NAALADL2: variants seen among roughly 807,000 people sequenced by gnomAD.
The protein encoded by NAALADL2 is N-acetylated alpha-linked acidic dipeptidase like 2, also known as inactive N-acetylated-alpha-linked acidic dipeptidase-like protein 2.
In NAALADL2, 76 loss-of-function variants were observed where a neutral mutation model predicts 87.2. That is an observed-to-expected ratio of 0.87 (90% CI 0.72 to 1.05). The LOEUF is 1.05. Ranked by LOEUF, NAALADL2 falls within the 50% of genes least tolerant of loss-of-function variation. The pLI, the probability that NAALADL2 is intolerant of heterozygous loss-of-function variation, is 0.00. For missense variants in NAALADL2, 1,089 were observed against 945.8 expected (o/e 1.15, Z -1.99); for synonymous variants, 354 against 331.0 (o/e 1.07, Z -0.75).
At chr3:174,699,546 G>T (rs1206067732) in intron 2 of NAALADL2, among the ~76,000 whole-genome samples, 2 of 150,520 alleles carry the variant, frequency 1.3e-5, no homozygotes, top group African/African-American at 2.4e-5. Context: ...TTTCTAATTT[G>T]ACCAATTATA....
intron 9 of NAALADL2, among the ~76,000 whole-genome samples, chr3:175,511,962 CT>C (rs1340315687): frequency 4.6e-5 from 7 of 152,154 alleles, no homozygotes; most frequent in Admixed American, 2.6e-4. Flanking sequence ...GGTTCCTAGG[CT>C]GGGCATGGTG....
chr3:174,753,867 C>T (rs942222053), intron 3 of NAALADL2, among the ~76,000 whole-genome samples: 1 of 152,126 alleles, frequency 6.6e-6, no homozygotes, highest in Admixed American at 6.5e-5. Flanking sequence ...GAGGGTGGGG[C>T]CCTCATAATG....
Position 175,533,198 on chromosome 3 carries a change from C to T in NAALADL2, c.1654-42843C>T, listed in dbSNP as rs115516390. On this transcript the variant is annotated intron_variant, in intron 9 of 13. Transcript: ENST00000454872. ...ACTCTATGTTCCTTCCACCATTATC[C>T]CATGCCCTTAATATACATTCCCATG... 6.1e-3 allele frequency among the ~76,000 whole-genome samples: 935 copies of T among 152,286 alleles called. 5 individuals are homozygous for T. The highest frequency in any genetic ancestry group is 0.021 in the African/African-American group (865 of 41,550).
intron 2 of NAALADL2, among the ~76,000 whole-genome samples, chr3:175,103,992 A>G (rs1722678909): frequency 6.6e-6 from 1 of 152,206 alleles, no homozygotes; most frequent in Non-Finnish European, 1.5e-5. Context: ...GATATAAGAA[A>G]ATAAGCACCT....
At chr3:174,531,488 G>A (rs896310793) in intron 1 of NAALADL2, among the ~76,000 whole-genome samples, 3 of 152,070 alleles carry the variant, frequency 2.0e-5, no homozygotes, top group Non-Finnish European at 4.4e-5. Flanking sequence ...AACTAAATTT[G>A]AATAAACATT....
intron 2 of NAALADL2, among the ~76,000 whole-genome samples, chr3:174,702,772 A>C (rs981035683): frequency 1.3e-4 from 20 of 152,190 alleles, no homozygotes; most frequent in African/African-American, 4.3e-4. Context: ...ATCTTATGAG[A>C]CCACTCTTGT....
intron 11 of NAALADL2, among the ~76,000 whole-genome samples, chr3:175,669,795 T>A: frequency 6.6e-6 from 1 of 151,954 alleles, no homozygotes; most frequent in Admixed American, 6.6e-5. Context: ...AAATAGTGTA[T>A]TTCACTATTA....
intron 11 of NAALADL2, among the ~76,000 whole-genome samples, chr3:175,685,573 T>C (rs1736167847): frequency 6.6e-6 from 1 of 151,796 alleles, no homozygotes; most frequent in African/African-American, 2.4e-5. Flanking sequence ...CTCACATGAC[T>C]GTGGAGCCAA....
chr3:174,469,909 A>G (rs1329345193), intron 1 of NAALADL2, among the ~76,000 whole-genome samples: 1 of 151,716 alleles, frequency 6.6e-6, no homozygotes, highest in Non-Finnish European at 1.5e-5. Flanking sequence ...ATGAACCACT[A>G]TTTTTTTTAC....
chr3:175,460,074 G>C (rs1226606212), intron 6 of NAALADL2: 1 of 443,212 alleles, frequency 2.3e-6, no homozygotes, highest in Non-Finnish European at 4.5e-6. Context: ...AATTATTCTT[G>C]TAGGATAAAT....
At chr3:175,415,273 G>C (rs1211605181) in intron 5 of NAALADL2, among the ~76,000 whole-genome samples, 2 of 152,060 alleles carry the variant, frequency 1.3e-5, no homozygotes, top group Non-Finnish European at 2.9e-5. Context: ...TGGATGAATG[G>C]ATGATGAGCT....
intron 5 of NAALADL2, among the ~76,000 whole-genome samples, chr3:175,343,499 G>T (rs1409285165): frequency 6.6e-6 from 1 of 151,886 alleles, no homozygotes; most frequent in Non-Finnish European, 1.5e-5. Context: ...ACCAAGAAAA[G>T]ATTAAATTAT....
chr3:174,898,355 G>C (rs1458416057), intron 1 of NAALADL2, among the ~76,000 whole-genome samples: 1 of 151,034 alleles, frequency 6.6e-6, no homozygotes, highest in African/African-American at 2.4e-5. Context: ...TAGGAGGAGG[G>C]TAGATAGATA....
At chr3:175,504,518 A>T (rs1227390123) in intron 9 of NAALADL2, among the ~76,000 whole-genome samples, 1 of 151,376 alleles carries the variant, frequency 6.6e-6, no homozygotes, top group Non-Finnish European at 1.5e-5. Flanking sequence ...TTGTGGCTTT[A>T]CGAGAAAAGA....
intron 2 of NAALADL2, among the ~76,000 whole-genome samples, chr3:174,679,326 T>G (rs2108821517): frequency 6.6e-6 from 1 of 152,294 alleles, no homozygotes; most frequent in South Asian, 2.1e-4. Context: ...GTATGGAAAC[T>G]TAGAGAGTTT....
At chr3:174,760,478 T>C (rs1361714248) in intron 3 of NAALADL2, among the ~76,000 whole-genome samples, 3 of 152,240 alleles carry the variant, frequency 2.0e-5, no homozygotes, top group Non-Finnish European at 2.9e-5. Context: ...ATAGGGACTG[T>C]GGACAGTCCA....
intron 12 of NAALADL2, among the ~76,000 whole-genome samples, chr3:175,748,691 CT>C (rs1246161473): frequency 6.6e-6 from 1 of 152,026 alleles, no homozygotes; most frequent in Non-Finnish European, 1.5e-5. Flanking sequence ...TTGAATACGC[CT>C]TTAAAAATAC....
upstream of NAALADL2, among the ~76,000 whole-genome samples, chr3:174,856,361 C>T (rs1390515317): frequency 1.3e-5 from 2 of 152,074 alleles, no homozygotes; most frequent in Non-Finnish European, 2.9e-5. Flanking sequence ...TTCCTTTCCA[C>T]AATTTGTTAT....
chr3:174,935,531 A>C (rs1003383650), intron 1 of NAALADL2, among the ~76,000 whole-genome samples: 3 of 152,148 alleles, frequency 2.0e-5, no homozygotes, highest in Non-Finnish European at 2.9e-5. Flanking sequence ...GTAGTGGTGG[A>C]AGTGATGGAG....
Sources: gnomAD v4.1 joint callset for allele counts (sites outside exome capture counted in the v4.1 genomes callset) on GRCh38, gnomAD v4.1.1 for gene constraint, MANE v1.5 for transcripts, NCBI Gene and HGNC (gene_info 2026-07-23, HGNC 2026-07-21) for gene names.